The following MAP2K2 variants were observed in gnomAD, a reference collection of about 807,000 sequenced individuals.
MAP2K2 encodes the protein mitogen-activated protein kinase kinase 2.
Under a neutral mutation model 43.7 loss-of-function variants are expected in MAP2K2, and 24 were observed. That is an observed-to-expected ratio of 0.55 (90% CI 0.40 to 0.77). The LOEUF (loss-of-function observed/expected upper bound fraction) is 0.77, where lower values mean the gene tolerates loss of function less well. Ranked by LOEUF, MAP2K2 falls within the 30% of genes least tolerant of loss-of-function variation. The probability of loss-of-function intolerance (pLI) is 0.00; values close to 1 mark genes in which losing one functional copy is unlikely to be tolerated. For synonymous variants in MAP2K2, 244 were observed against 239.7 expected (o/e 1.02, Z -0.17); for missense variants, 470 against 566.8 (o/e 0.83, Z 1.73).
Position 4,117,517 on chromosome 19 carries a change from CTT to C in MAP2K2, c.203_204del (p.Lys68ArgfsTer3). 1.2e-6 allele frequency: 2 copies of C among 1,614,216 alleles called. No homozygotes were observed. Among genetic ancestry groups the C allele is most frequent in the Non-Finnish European group, 1.7e-6 (2 of 1,180,046 alleles). On this transcript the variant is annotated frameshift_variant, in exon 2 of 11. Transcript: ENST00000262948. LOFTEE classifies it high-confidence loss of function. ...LTQKAKVGEL[K>X]DDDFERISEL... is the part of the protein sequence containing the mutation. ...TCTGAGATCCTTTCGAAGTCATCGT[CTT>C]TGAGTTCGCCGACCTTGGCTTTCTG...
At chr19:4,113,177 A>G (rs982381635) in intron 2 of MAP2K2, among the ~76,000 whole-genome samples, 1 of 152,180 alleles carries the variant, frequency 6.6e-6, no homozygotes, top group Admixed American at 6.5e-5. Context: ...GGCTACTGGG[A>G]GGAATCCCAG....
chr19:4,097,840 G>A (rs1036256028), intron 7 of MAP2K2, among the ~76,000 whole-genome samples: 8 of 152,132 alleles, frequency 5.3e-5, no homozygotes, highest in East Asian at 1.9e-4. Context: ...CTGGACTTTC[G>A]CCTTCTGCCC....
intron 3 of MAP2K2, among the ~76,000 whole-genome samples, chr19:4,109,536 T>G: frequency 6.6e-6 from 1 of 152,312 alleles, no homozygotes; most frequent in African/African-American, 2.4e-5. Context: ...CCTCCTGGGC[T>G]CAAGTGATCT....
Position 4,112,589 on chromosome 19 carries a change from C to T in MAP2K2, c.304-1934G>A, listed in dbSNP as rs1049767576. ...ATGGCAGGGCCCGGGGCACGGTGCC[C>T]ACCTCCCCCCGCCCGGCCGCTCCTC... is the stretch of plus-strand genomic sequence containing the variant. On this transcript the variant is annotated intron_variant, in intron 2 of 10. Coordinates refer to ENST00000262948, the MANE Select transcript of MAP2K2 (RefSeq NM_030662.4). Among the ~76,000 whole-genome samples the T allele has an allele frequency of 4.6e-5, 7 of 152,132 alleles. No individual in the cohort carries two copies. In the East Asian group the frequency reaches 1.3e-3, roughly 29 times the overall value.
At chr19:4,116,494 C>T (rs1244694750) in intron 2 of MAP2K2, among the ~76,000 whole-genome samples, 1 of 151,740 alleles carries the variant, frequency 6.6e-6, no homozygotes, top group Admixed American at 6.6e-5. Flanking sequence ...CGCACCACTG[C>T]ACTCCAGCCA....
Position 4,097,403 on chromosome 19 carries a change from G to T in MAP2K2, c.920-60C>A, listed in dbSNP as rs193230211. 7.2e-4 allele frequency: 988 copies of T among 1,365,614 alleles called. 7 individuals are homozygous for T. Among genetic ancestry groups the T allele is most frequent in the Non-Finnish European group, 3.8e-5 (36 of 956,128 alleles). The allele number at this position is 1,365,614 out of a possible 1,614,324, so 84.6% of individuals were successfully genotyped here. ...GATGGCCACCTCACTTCTGCTGGGG[G>T]TTGGGCTCCCAGGGGGCTGATCACC... On this transcript the variant is annotated intron_variant, in intron 7 of 10. Transcript: ENST00000262948.
chr19:4,105,155 CGT>C (rs61710801), intron 3 of MAP2K2, among the ~76,000 whole-genome samples: 15,257 of 137,374 alleles, frequency 0.11, 895 homozygotes, highest in African/African-American at 0.18. Flanking sequence ...ACACGTCTAC[CGT>C]GTGTGTGTGT....
Position 4,110,628 on chromosome 19 carries a change from T to C in MAP2K2, c.331A>G (p.Ile111Val). Residue 111 changes from isoleucine to valine, a missense_variant, in exon 3 of 11, where the codon ATC (isoleucine) becomes GTC (valine). Ile to Val is a conservative substitution (Grantham distance 29, BLOSUM62 3). This residue lies in a region of MAP2K2 where 200 missense variants were observed against 297.9 expected (regional missense o/e 0.67). Transcript: ENST00000262948. ...AGCTCGCGGATGATCTGGTTCCGGA[T>C]GGCCGGCTTGATCTCAAGGTGGATC... ...KLIHLEIKPAIRNQIIRELQV... is the reference protein window; with the variant it reads ...KLIHLEIKPAVRNQIIRELQV... 6.2e-7 allele frequency: 1 copy of C among 1,613,570 alleles called. No homozygotes were observed. Among genetic ancestry groups the C allele is most frequent in the East Asian group, 2.2e-5 (1 of 44,886 alleles).
intron 10 of MAP2K2, among the ~76,000 whole-genome samples, chr19:4,091,109 C>T (rs181833644): frequency 6.6e-6 from 1 of 152,338 alleles, no homozygotes; most frequent in Admixed American, 6.5e-5. Context: ...TCCACCCACT[C>T]CATGCCAGGG....
chr19:4,119,260 C>T (rs2041264355), intron 1 of MAP2K2, among the ~76,000 whole-genome samples: 1 of 152,076 alleles, frequency 6.6e-6, no homozygotes, highest in Admixed American at 6.6e-5. Context: ...CTCATTCTGT[C>T]GCCCAGGCTG....
At chr19:4,104,259 C>T (rs1227580437) in intron 3 of MAP2K2, among the ~76,000 whole-genome samples, 1 of 134,444 alleles carries the variant, frequency 7.4e-6, no homozygotes, top group African/African-American at 3.0e-5. Context: ...AGCAAGACTC[C>T]TCAATTAAAA....
chr19:4,095,193 G>A, intron 9 of MAP2K2, 195 bp downstream of exon 9: 1 of 586,988 alleles, frequency 1.7e-6, no homozygotes. Flanking sequence ...CTCACGGACA[G>A]GATGGCATGG....
intron 10 of MAP2K2, among the ~76,000 whole-genome samples, chr19:4,093,508 T>C (rs972252811): frequency 1.3e-5 from 2 of 151,960 alleles, no homozygotes; most frequent in African/African-American, 4.8e-5. Flanking sequence ...CTGGACAACA[T>C]GGTGAAAGCC....
At chr19:4,114,268 C>A (rs929347451) in intron 2 of MAP2K2, among the ~76,000 whole-genome samples, 5 of 152,200 alleles carry the variant, frequency 3.3e-5, no homozygotes, top group Non-Finnish European at 7.3e-5. Context: ...CAGGCACTGA[C>A]CCCACACAGC....
rs978806238 is a variant in MAP2K2 at position 4,115,992 on chromosome 19, C to T, written c.303+1427G>A. Among the ~76,000 whole-genome samples the T allele has an allele frequency of 6.6e-6, 1 of 152,184 alleles. No homozygotes were observed. ...CAGAGGCTGCATCATGGCCCAGGAG[C>T]CCGGGATGACTAAGCACGGGGGCCG... On this transcript the variant is annotated intron_variant, in intron 2 of 10. Transcript: ENST00000262948. The surrounding 1 kb of genome is among the most constrained non-coding windows in gnomAD (Gnocchi z 4.1).
chr19:4,101,738 T>C lies in MAP2K2; in HGVS notation c.529-458A>G, dbSNP rs896291403. ...CCCCAGGCCCGCCCTGGAAGCAGCA[T>C]CCCGAGAAGTGAAGCAAGCAGCACA... On this transcript the variant is annotated intron_variant, in intron 4 of 10. Transcript: ENST00000262948. The surrounding 1 kb of genome is among the most constrained non-coding windows in gnomAD (Gnocchi z 6.3). Among the ~76,000 whole-genome samples, 2 of 152,080 alleles carry C rather than the reference T, an allele frequency of 1.3e-5. No homozygotes were observed. The highest frequency in any genetic ancestry group is 2.9e-5 in the Non-Finnish European group (2 of 67,996).
chr19:4,099,455 G>T, intron 6 of MAP2K2, 41 bp from the exon 7 acceptor site: 1 of 1,522,460 alleles, frequency 6.6e-7, no homozygotes, highest in Non-Finnish European at 9.0e-7. Context: ...GAGGGGCGAG[G>T]ATGGCAGCTG....
chr19:4,091,725 T>TG (rs1258581997), intron 10 of MAP2K2, among the ~76,000 whole-genome samples: 1 of 152,076 alleles, frequency 6.6e-6, no homozygotes, highest in Non-Finnish European at 1.5e-5. Context: ...CTCAGCTCAC[T>TG]GTAACCTCTG....
intron 9 of MAP2K2, 33 bp from the exon 10 acceptor site, chr19:4,094,531 G>A: frequency 1.9e-6 from 3 of 1,557,372 alleles, no homozygotes; most frequent in Non-Finnish European, 2.6e-6. Context: ...CCGGGAGGCG[G>A]TGGAGGAGAC....
Sources: allele counts gnomAD v4.1 joint callset (sites outside exome capture counted in the v4.1 genomes callset), GRCh38; gene constraint gnomAD v4.1.1; regional missense constraint gnomAD v4.1.1; non-coding constraint Gnocchi (gnomAD v3.1); transcripts MANE v1.5; gene names NCBI Gene and HGNC (gene_info 2026-07-23, HGNC 2026-07-21).